CADPS2: variants seen among roughly 807,000 people sequenced by gnomAD.
CADPS2 encodes calcium-dependent secretion activator 2.
Under a neutral mutation model 172.5 loss-of-function variants are expected in CADPS2, and 93 were observed. That is an observed-to-expected ratio of 0.54 (90% CI 0.46 to 0.64). CADPS2 has a LOEUF of 0.64. Ranked by LOEUF, CADPS2 falls within the 30% of genes least tolerant of loss-of-function variation. The pLI is 0.00. For synonymous variants in CADPS2, 546 were observed against 555.2 expected (o/e 0.98, Z 0.23); for missense variants, 1,420 against 1,565.9 (o/e 0.91, Z 1.57).
At chr7:122,670,251 C>T (rs1286421995) in intron 2 of CADPS2, among the ~76,000 whole-genome samples, 4 of 152,122 alleles carry the variant, frequency 2.6e-5, no homozygotes, top group African/African-American at 4.8e-5. Context: ...CCACCAAAAT[C>T]GTCACCATGG....
chr7:122,768,848 A>G (rs2093630106), intron 1 of CADPS2, among the ~76,000 whole-genome samples: 2 of 152,196 alleles, frequency 1.3e-5, no homozygotes, highest in Non-Finnish European at 2.9e-5. Context: ...TTTTATGCTA[A>G]AAAGAAAACA....
At chr7:122,636,422 C>T (rs2077064653) in intron 3 of CADPS2, among the ~76,000 whole-genome samples, 1 of 150,916 alleles carries the variant, frequency 6.6e-6, no homozygotes, top group Admixed American at 6.6e-5. Context: ...TGAAAACAGG[C>T]CCCCATCCTC....
intron 2 of CADPS2, among the ~76,000 whole-genome samples, chr7:122,736,007 C>A (rs188452356): frequency 1.2e-4 from 19 of 152,222 alleles, no homozygotes; most frequent in East Asian, 1.9e-4. Flanking sequence ...GTTGGACATA[C>A]CCACTCTTGA....
intron 2 of CADPS2, among the ~76,000 whole-genome samples, chr7:122,670,869 CAAA>C (rs35788531): frequency 4.9e-5 from 6 of 122,956 alleles, no homozygotes; most frequent in Admixed American, 8.1e-5. Context: ...AACCCTGTTT[CAAA>C]AAAAAAAAAA....
intron 1 of CADPS2, among the ~76,000 whole-genome samples, chr7:122,828,964 T>C (rs775441719): frequency 6.6e-6 from 1 of 152,154 alleles, no homozygotes; most frequent in Non-Finnish European, 1.5e-5. Context: ...ATTTTAGACT[T>C]CTCCTTTGGT....
At chr7:122,829,778 T>A (rs1056344549) in intron 1 of CADPS2, among the ~76,000 whole-genome samples, 5 of 151,954 alleles carry the variant, frequency 3.3e-5, no homozygotes, top group Non-Finnish European at 2.9e-5. Flanking sequence ...TAATATTTAT[T>A]TTTAGAAGTC....
At chr7:122,619,370 A>G (rs1249624266) in intron 5 of CADPS2, among the ~76,000 whole-genome samples, 1 of 152,000 alleles carries the variant, frequency 6.6e-6, no homozygotes, top group Non-Finnish European at 1.5e-5. Context: ...TCAAGCCTGT[A>G]ATCCTAGCAC....
chr7:122,606,782 A>G (rs1225381744), intron 6 of CADPS2, among the ~76,000 whole-genome samples: 1 of 152,166 alleles, frequency 6.6e-6, no homozygotes, highest in Non-Finnish European at 1.5e-5. Flanking sequence ...CTTGTCTTCA[A>G]GGATCTTCCA....
At chr7:122,557,936 T>C (rs2065238705) in intron 7 of CADPS2, among the ~76,000 whole-genome samples, 1 of 152,162 alleles carries the variant, frequency 6.6e-6, no homozygotes, top group African/African-American at 2.4e-5. Context: ...AGGTTTGATG[T>C]CTTTACCCCA....
At chr7:122,375,221 C>T (rs2042204856) in intron 25 of CADPS2, among the ~76,000 whole-genome samples, 1 of 151,398 alleles carries the variant, frequency 6.6e-6, no homozygotes, top group South Asian at 2.1e-4. Context: ...TCATCTGGAA[C>T]CACAAAAAGC....
intron 28 of CADPS2, among the ~76,000 whole-genome samples, chr7:122,340,104 G>A (rs1305921051): frequency 6.6e-6 from 1 of 152,006 alleles, no homozygotes; most frequent in Admixed American, 6.6e-5. Context: ...TTTCTTCACT[G>A]GAAAGTAAGC....
chr7:122,719,304 G>A (rs1044658779), intron 2 of CADPS2, among the ~76,000 whole-genome samples: 1 of 152,036 alleles, frequency 6.6e-6, no homozygotes, highest in Non-Finnish European at 1.5e-5. Flanking sequence ...TGCATGAGGA[G>A]AACAAGCTGG....
At chr7:122,750,731 C>G (rs2092917231) in intron 1 of CADPS2, among the ~76,000 whole-genome samples, 1 of 152,026 alleles carries the variant, frequency 6.6e-6, no homozygotes, top group South Asian at 2.1e-4. Context: ...AATTACAATC[C>G]CCTGAAGAGC....
At chr7:122,632,297 G>T (rs1448782206) in intron 3 of CADPS2, among the ~76,000 whole-genome samples, 2 of 152,124 alleles carry the variant, frequency 1.3e-5, no homozygotes, top group Non-Finnish European at 2.9e-5. Context: ...TTCTATAGTG[G>T]CTAAAGTAAT....
intron 1 of CADPS2, among the ~76,000 whole-genome samples, chr7:122,864,840 A>T (rs997707734): frequency 6.6e-6 from 1 of 152,054 alleles, no homozygotes; most frequent in Non-Finnish European, 1.5e-5. Flanking sequence ...GGCTGCTCTA[A>T]CTCCTACCAC....
chr7:122,663,622 G>C, intron 2 of CADPS2, 53 bp from the exon 3 acceptor site: 1 of 1,338,496 alleles, frequency 7.5e-7, no homozygotes, highest in Non-Finnish European at 1.0e-6. Flanking sequence ...ATTAGGTGTA[G>C]ATGCTAACAC....
At chr7:122,662,441 T>C (rs530018458) in intron 3 of CADPS2, among the ~76,000 whole-genome samples, 1 of 150,166 alleles carries the variant, frequency 6.7e-6, no homozygotes, top group Admixed American at 6.7e-5. Context: ...AGTGGCACGA[T>C]CTCAGCTCAC....
intron 8 of CADPS2, among the ~76,000 whole-genome samples, chr7:122,526,379 G>C (rs2061238950): frequency 6.6e-6 from 1 of 152,040 alleles, no homozygotes. Context: ...TTTTAGTAGA[G>C]ATGGGGTTTC....
At chr7:122,535,428 G>A (rs1456796989) in intron 8 of CADPS2, among the ~76,000 whole-genome samples, 2 of 152,016 alleles carry the variant, frequency 1.3e-5, no homozygotes, top group East Asian at 3.8e-4. Context: ...ATATCTGGAT[G>A]TCAGAGATGT....
Sources: allele counts gnomAD v4.1 joint callset (sites outside exome capture counted in the v4.1 genomes callset), GRCh38; gene constraint gnomAD v4.1.1; transcripts MANE v1.5; gene names NCBI Gene and HGNC (gene_info 2026-07-23, HGNC 2026-07-21).